The following MNAT1 variants were observed in gnomAD, a reference collection of about 807,000 sequenced individuals.
MNAT1 encodes MNAT1 component of CDK activating kinase.
A neutral mutation model predicts 42.0 loss-of-function variants in MNAT1; 43 were observed. The ratio of observed to expected loss-of-function variants is 1.02; its 90% confidence interval spans 0.80 to 1.32. The LOEUF is 1.32. Ranked by LOEUF, MNAT1 falls within the 40% of genes most tolerant of loss-of-function variation. The pLI, the probability that MNAT1 is intolerant of heterozygous loss-of-function variation, is 0.00. For synonymous variants in MNAT1, 118 were observed against 120.0 expected, an observed-to-expected ratio of 0.98 and a Z score of 0.11; for missense variants, 306 against 350.4, an observed-to-expected ratio of 0.87 and a Z score of 1.01.
chr14:60,918,333 T>G (rs930880792), intron 7 of MNAT1, among the ~76,000 whole-genome samples: 1 of 145,250 alleles, frequency 6.9e-6, no homozygotes, highest in African/African-American at 2.5e-5. Flanking sequence ...CTCAGCCTCC[T>G]GAGTAGCTGG....
intron 1 of MNAT1, among the ~76,000 whole-genome samples, chr14:60,787,580 T>G (rs1262266313): frequency 6.6e-6 from 1 of 152,208 alleles, no homozygotes; most frequent in Non-Finnish European, 1.5e-5. Flanking sequence ...CTGGAGCATG[T>G]GATGCTGTTT....
chr14:60,810,826 G>A (rs534846736), intron 4 of MNAT1, among the ~76,000 whole-genome samples: 17 of 152,268 alleles, frequency 1.1e-4, no homozygotes, highest in African/African-American at 4.1e-4. Flanking sequence ...TTCCGCTGCT[G>A]TTGAGTAGAA....
intron 7 of MNAT1, among the ~76,000 whole-genome samples, chr14:60,884,256 G>A (rs1022843693): frequency 2.0e-5 from 3 of 151,986 alleles, no homozygotes; most frequent in Non-Finnish European, 4.4e-5. Context: ...CCAGGTTTTT[G>A]AGGGTTTTTA....
intron 1 of MNAT1, among the ~76,000 whole-genome samples, chr14:60,793,588 G>T (rs1488656441): frequency 6.6e-6 from 1 of 151,816 alleles, no homozygotes; most frequent in East Asian, 1.9e-4. Context: ...GTCTAGGCTG[G>T]TCTTATATTC....
At chr14:60,886,870 C>A (rs892319024) in intron 7 of MNAT1, among the ~76,000 whole-genome samples, 1 of 151,886 alleles carries the variant, frequency 6.6e-6, no homozygotes, top group African/African-American at 2.4e-5. Flanking sequence ...TTTTTCTTGT[C>A]TAATTGCTCT....
intron 7 of MNAT1, among the ~76,000 whole-genome samples, chr14:60,883,800 G>C (rs2034603194): frequency 6.6e-6 from 1 of 151,636 alleles, no homozygotes; most frequent in African/African-American, 2.4e-5. Flanking sequence ...CACTTATTTG[G>C]TTAATTCCTA....
At chr14:60,932,136 T>G (rs2035900905) in intron 7 of MNAT1, among the ~76,000 whole-genome samples, 1 of 152,028 alleles carries the variant, frequency 6.6e-6, no homozygotes, top group Admixed American at 6.5e-5. Context: ...AACCTATATA[T>G]TAGGTTACAT....
At chr14:60,783,176 C>T (rs897142386) in intron 1 of MNAT1, among the ~76,000 whole-genome samples, 1 of 152,096 alleles carries the variant, frequency 6.6e-6, no homozygotes, top group Admixed American at 6.5e-5. Context: ...TTGAATACTC[C>T]AGAACCACAG....
At chr14:60,774,117 T>C (rs1296279092) in intron 1 of MNAT1, among the ~76,000 whole-genome samples, 1 of 152,236 alleles carries the variant, frequency 6.6e-6, no homozygotes. Flanking sequence ...ATAAGATCTT[T>C]TAAAAGACAG....
intron 7 of MNAT1, among the ~76,000 whole-genome samples, chr14:60,909,045 GTT>G (rs1555334553): frequency 6.6e-6 from 1 of 152,130 alleles, no homozygotes; most frequent in Non-Finnish European, 1.5e-5. Flanking sequence ...TCTCATTGTG[GTT>G]TTGATTTGCA....
At chr14:60,828,603 T>C (rs1168207822) in intron 6 of MNAT1, among the ~76,000 whole-genome samples, 1 of 151,826 alleles carries the variant, frequency 6.6e-6, no homozygotes, top group East Asian at 1.9e-4. Flanking sequence ...CAGACACCAA[T>C]AGGATTTCCT....
chr14:60,913,655 C>T (rs973880112), intron 7 of MNAT1, among the ~76,000 whole-genome samples: 7 of 152,072 alleles, frequency 4.6e-5, no homozygotes, highest in African/African-American at 1.7e-4. Flanking sequence ...ATTGGTGAAC[C>T]GCAAATGCTG....
In MNAT1 at chr14:60,941,469, A is replaced by G. The variant is rs2036157887; in HGVS notation, c.810-26760A>G. On this transcript the variant is annotated intron_variant, in intron 7 of 7. Coordinates refer to ENST00000261245, the MANE Select transcript of MNAT1 (RefSeq NM_002431.4). ...AGTTTCAGCCTTTTGGGAGACCAAGACAGGAGGATTGCTTGAGGACAGGAA... is the reference window on the plus strand; with the variant it reads ...AGTTTCAGCCTTTTGGGAGACCAAGGCAGGAGGATTGCTTGAGGACAGGAA... Among the ~76,000 whole-genome samples, 4 of 152,118 alleles carry G rather than the reference A, an allele frequency of 2.6e-5. No individual in the cohort carries two copies. In the South Asian group the frequency reaches 8.3e-4, roughly 31 times the overall value.
At chr14:60,886,915 G>C (rs767949634) in intron 7 of MNAT1, among the ~76,000 whole-genome samples, 1 of 152,050 alleles carries the variant, frequency 6.6e-6, no homozygotes. Flanking sequence ...GAATGTAATT[G>C]ATGAAAGTGG....
chr14:60,754,365 C>T (rs1486018006), intron 1 of MNAT1, among the ~76,000 whole-genome samples: 3 of 143,306 alleles, frequency 2.1e-5, no homozygotes, highest in East Asian at 2.0e-4. Flanking sequence ...TTTTTGAGAC[C>T]GAGTCTCGCT....
chr14:60,872,835 TACAC>T lies in MNAT1; in HGVS notation c.688-6847_688-6844del, dbSNP rs200338598. 2.4e-3 allele frequency among the ~76,000 whole-genome samples: 352 copies of T among 146,944 alleles called. 1 individual carries two copies. Among genetic ancestry groups the T allele is most frequent in the African/African-American group, 8.5e-3 (329 of 38,634 alleles). On this transcript the variant is annotated intron_variant, in intron 6 of 7. Coordinates refer to ENST00000261245, the MANE Select transcript of MNAT1 (RefSeq NM_002431.4). Reference sequence around the variant, plus strand: ...ATTTTGGTATTACATCACACACACATACACACACACACACACACACACACACACA... The same window carrying T: ...ATTTTGGTATTACATCACACACACATACACACACACACACACACACACACA...
At chr14:60,947,196 G>A (rs2036293665) in intron 7 of MNAT1, among the ~76,000 whole-genome samples, 1 of 152,062 alleles carries the variant, frequency 6.6e-6, no homozygotes, top group African/African-American at 2.4e-5. Context: ...AAGGAACACA[G>A]CTGTTTTTTT....
chr14:60,800,249 T>G (rs1181295859), intron 3 of MNAT1, among the ~76,000 whole-genome samples: 1 of 152,142 alleles, frequency 6.6e-6, no homozygotes, highest in African/African-American at 2.4e-5. Context: ...TTAAGTCACT[T>G]CTTAAAAAAT....
At chr14:60,831,133 CTGGGATACATGTGGAGGTTTGTTCT>C (rs1452828574) in intron 6 of MNAT1, among the ~76,000 whole-genome samples, 5 of 142,916 alleles carry the variant, frequency 3.5e-5, no homozygotes, top group African/African-American at 7.9e-5. Flanking sequence ...CTTTTAAGTT[CTGGGATACATGTGGAGGTTTGTTCT>C]TGGGATACAT....
Sources: allele counts gnomAD v4.1 joint callset (sites outside exome capture counted in the v4.1 genomes callset), GRCh38; gene constraint gnomAD v4.1.1; transcripts MANE v1.5; gene names NCBI Gene and HGNC (gene_info 2026-07-23, HGNC 2026-07-21).